Variants in EYA4 observed in about 807,000 individuals in gnomAD.
The protein encoded by EYA4 is protein phosphatase EYA4.
Under a neutral mutation model 87.9 loss-of-function variants are expected in EYA4, and 31 were observed. The observed-to-expected ratio is 0.35, with a 90% CI of 0.27 to 0.48. The LOEUF (loss-of-function observed/expected upper bound fraction) is 0.48, where lower values mean the gene tolerates loss of function less well. Ranked by LOEUF, EYA4 falls within the 20% of genes least tolerant of loss-of-function variation. The pLI is 0.99. For synonymous variants in EYA4, 263 were observed against 270.6 expected (o/e 0.97, Z 0.28); for missense variants, 678 against 761.4 (o/e 0.89, Z 1.29).
chr6:133,355,072 T>C (rs1783911942), intron 2 of EYA4, among the ~76,000 whole-genome samples: 1 of 152,216 alleles, frequency 6.6e-6, no homozygotes, highest in South Asian at 2.1e-4. Context: ...AAAAATAGTT[T>C]CTTTTTCCTT....
intron 18 of EYA4, 101 bp from the exon 19 acceptor site, chr6:133,525,053 G>A: frequency 1.2e-6 from 2 of 1,613,608 alleles, no homozygotes; most frequent in Non-Finnish European, 1.7e-6. Flanking sequence ...GTCCAGATTT[G>A]GCACTAACAT....
At chr6:133,345,818 A>G (rs1246431845) in intron 2 of EYA4, among the ~76,000 whole-genome samples, 1 of 152,224 alleles carries the variant, frequency 6.6e-6, no homozygotes, top group Non-Finnish European at 1.5e-5. Context: ...AAAGTCTCTT[A>G]TAATACATTT....
chr6:133,246,769 G>A (rs571958937), intron 1 of EYA4: 4 of 152,184 alleles, frequency 2.6e-5, no homozygotes, highest in African/African-American at 9.6e-5. Context: ...GGAATTTCGT[G>A]CAAAACACTG....
intron 2 of EYA4, among the ~76,000 whole-genome samples, chr6:133,359,806 T>A (rs573392664): frequency 2.6e-5 from 4 of 152,362 alleles, no homozygotes; most frequent in South Asian, 4.1e-4. Flanking sequence ...TTGTGAATAA[T>A]CACAGGAGTT....
rs1348792814 is a variant in EYA4 at position 133,520,244 on chromosome 6, T to C, written c.1617-2812T>C. 3.3e-5 allele frequency among the ~76,000 whole-genome samples: 5 copies of C among 149,740 alleles called. No homozygotes were observed. In the Admixed American group the frequency reaches 3.4e-4, roughly 10 times the overall value. ...TGTATATCTAGAAAACCCCATTGTC[T>C]CAGCCCAAAATCTCCTTAAGCTGAT... On this transcript the variant is annotated intron_variant, in intron 17 of 19. Transcript: ENST00000355286.
At chr6:133,359,331 A>T (rs1784296802) in intron 2 of EYA4, among the ~76,000 whole-genome samples, 1 of 152,194 alleles carries the variant, frequency 6.6e-6, no homozygotes, top group African/African-American at 2.4e-5. Flanking sequence ...GAACAGTTTC[A>T]TACTTTTCTG....
Position 133,532,094 on chromosome 6 carries a change from C to A in EYA4, c.*3289C>A, listed in dbSNP as rs557906515. 6.6e-6 allele frequency: 1 copy of A among 152,086 alleles called. No individual in the cohort carries two copies. Among genetic ancestry groups the A allele is most frequent in the Admixed American group, 6.6e-5 (1 of 15,262 alleles). 9.4% of individuals were successfully genotyped at this position (152,086 alleles called of 1,614,324 possible). On this transcript the variant is annotated 3_prime_UTR_variant, in exon 20 of 20. Transcript: ENST00000355286. ...TATCTTTACTATTTCTCAATAAATA[C>A]CTTTGCAATTGTTTTCATTTCCTTC...
intron 2 of EYA4, among the ~76,000 whole-genome samples, chr6:133,335,103 A>G (rs1047573973): frequency 2.0e-5 from 3 of 152,218 alleles, no homozygotes; most frequent in Non-Finnish European, 4.4e-5. Context: ...ATGACCTGGA[A>G]GAGGCCTTTT....
At chr6:133,323,782 A>G (rs1033091798) in intron 2 of EYA4, among the ~76,000 whole-genome samples, 3 of 152,152 alleles carry the variant, frequency 2.0e-5, no homozygotes, top group African/African-American at 7.2e-5. Flanking sequence ...AATAATAAAG[A>G]AACTATAATA....
At chr6:133,320,137 CT>C (rs764354283) in intron 2 of EYA4, among the ~76,000 whole-genome samples, 1,394 of 135,364 alleles carry the variant, frequency 0.01, 8 homozygotes, top group African/African-American at 0.021. Context: ...ATGACCATTC[CT>C]TTTTTTTTTT....
At chr6:133,490,850 A>G (rs1041449281) in intron 13 of EYA4, among the ~76,000 whole-genome samples, 2 of 152,192 alleles carry the variant, frequency 1.3e-5, no homozygotes, top group Non-Finnish European at 2.9e-5. Flanking sequence ...ACAGGCTTAG[A>G]CCAAATGGAC....
intron 13 of EYA4, among the ~76,000 whole-genome samples, chr6:133,495,116 A>G (rs538175686): frequency 1.3e-5 from 2 of 151,840 alleles, no homozygotes; most frequent in African/African-American, 2.4e-5. Context: ...TAAAAATAAA[A>G]AAATTAGCCA....
intron 2 of EYA4, among the ~76,000 whole-genome samples, chr6:133,306,168 A>C (rs1026220363): frequency 6.6e-6 from 1 of 152,202 alleles, no homozygotes; most frequent in Non-Finnish European, 1.5e-5. Context: ...AGTACAAAGT[A>C]CAAACAAGGA....
chr6:133,365,302 C>T lies in EYA4; in HGVS notation c.34-17090C>T, dbSNP rs9402505. Among the ~76,000 whole-genome samples the T allele has an allele frequency of 5.9e-5, 9 of 152,214 alleles. No individual in the cohort carries two copies. The East Asian group carries it at 1.7e-3, about 29-fold the overall frequency. On this transcript the variant is annotated intron_variant, in intron 2 of 19. Transcript: ENST00000355286. The stretch of plus-strand genomic sequence containing the variant: ...TTGCACATAGGGTAAAATCTCAGAC[C>T]TTTCATAATTCTTGACATCTACTTA...
chr6:133,383,102 C>A (rs977838573), intron 3 of EYA4, among the ~76,000 whole-genome samples: 2 of 152,140 alleles, frequency 1.3e-5, no homozygotes, highest in African/African-American at 4.8e-5. Flanking sequence ...AATACTATGA[C>A]AATAATAAAC....
intron 13 of EYA4, among the ~76,000 whole-genome samples, chr6:133,500,881 C>G (rs983930498): frequency 6.6e-6 from 1 of 152,164 alleles, no homozygotes; most frequent in Non-Finnish European, 1.5e-5. Flanking sequence ...TCCAGCTTTG[C>G]CATAACATGA....
chr6:133,284,558 A>G (rs1777880157), intron 2 of EYA4, among the ~76,000 whole-genome samples: 1 of 152,228 alleles, frequency 6.6e-6, no homozygotes, highest in African/African-American at 2.4e-5. Flanking sequence ...CAATTAAGTA[A>G]GCATTTCAAG....
intron 13 of EYA4, among the ~76,000 whole-genome samples, chr6:133,503,582 T>C (rs1462762352): frequency 6.6e-6 from 1 of 152,210 alleles, no homozygotes; most frequent in African/African-American, 2.4e-5. Context: ...AATGGAATTA[T>C]ATGTTTTCAT....
At chr6:133,264,671 G>T (rs992415064) in intron 1 of EYA4, among the ~76,000 whole-genome samples, 1 of 152,164 alleles carries the variant, frequency 6.6e-6, no homozygotes, top group Admixed American at 6.5e-5. Context: ...TGCCTGTGCC[G>T]GTTGTGTACA....
Sources: allele counts gnomAD v4.1 joint callset (sites outside exome capture counted in the v4.1 genomes callset), GRCh38; gene constraint gnomAD v4.1.1; transcripts MANE v1.5; gene names NCBI Gene and HGNC (gene_info 2026-07-23, HGNC 2026-07-21).